DYNC1H1: variants seen among roughly 807,000 people sequenced by gnomAD.
DYNC1H1 encodes the protein cytoplasmic dynein 1 heavy chain 1.
DYNC1H1 carries 51 observed loss-of-function variants against 527.1 expected under a neutral mutation model. That is an observed-to-expected ratio of 0.10 (90% CI 0.08 to 0.12). DYNC1H1 has a LOEUF of 0.12. DYNC1H1 is among the 10% of genes least tolerant of loss of function. The pLI is 1.00. For synonymous variants in DYNC1H1, 2,189 were observed against 2,278.8 expected (o/e 0.96, Z 1.12); for missense variants, 2,771 against 5,971.8 (o/e 0.46, Z 17.66).
At chr14:101,967,061 A>G (rs565841913) in intron 1 of DYNC1H1, among the ~76,000 whole-genome samples, 13 of 152,334 alleles carry the variant, frequency 8.5e-5, no homozygotes, top group Non-Finnish European at 1.3e-4. Flanking sequence ...CAACCTGTCT[A>G]TAATTTATTT....
intron 72 of DYNC1H1, among the ~76,000 whole-genome samples, chr14:102,046,767 C>T (rs2048725317): frequency 6.6e-6 from 1 of 151,878 alleles, no homozygotes; most frequent in African/African-American, 2.4e-5. Context: ...AAGAGCCTTC[C>T]TTGAGTCTTT....
chr14:101,998,846 G>C (rs189361496), intron 16 of DYNC1H1, among the ~76,000 whole-genome samples: 1 of 149,906 alleles, frequency 6.7e-6, no homozygotes, highest in African/African-American at 2.5e-5. Context: ...ACTTTACCTT[G>C]GTGCCAGTAA....
chr14:102,029,297 C>G lies in DYNC1H1; in HGVS notation c.9469-242C>G, dbSNP rs1434763561. ...GATGCCTTTTCACATAAGTACACCT[C>G]TAAAGTTGGTGTAATCACCATCCTC... is the stretch of plus-strand genomic sequence containing the variant. On this transcript the variant is annotated intron_variant, in intron 48 of 77. Coordinates refer to ENST00000360184, the MANE Select transcript of DYNC1H1 (RefSeq NM_001376.5). This position sits in a 1 kb window ranked among gnomAD's most constrained non-coding sequence, Gnocchi z 5.3. The G allele has an allele frequency of 1.8e-6, 1 of 563,006 alleles. No homozygotes were observed. Among genetic ancestry groups the G allele is most frequent in the Non-Finnish European group, 3.2e-6 (1 of 314,806 alleles). 34.9% of individuals were successfully genotyped at this position (563,006 alleles called of 1,614,324 possible).
Position 102,016,293 on chromosome 14 carries a change from C to T in DYNC1H1, c.7474-56C>T. 6.2e-7 allele frequency: 1 copy of T among 1,606,520 alleles called. No homozygotes were observed. The highest frequency in any genetic ancestry group is 2.2e-5 in the East Asian group (1 of 44,550). ...TTTAGGTTAACTTTGCTGTAAGTGT[C>T]TTTCTTTTGTTGTTGAAATTTTATA... On this transcript the variant is annotated intron_variant, in intron 36 of 77. Coordinates refer to ENST00000360184, the MANE Select transcript of DYNC1H1 (RefSeq NM_001376.5). This position sits in a 1 kb window ranked among gnomAD's most constrained non-coding sequence, Gnocchi z 7.3.
In DYNC1H1 at chr14:102,002,520, TCCTGTCTG is replaced by T; in HGVS notation, c.4543-14_4543-7del. ...GAAGGGTCAGCAGTTTACCTCTCCC[TCCTGTCTG>T]CCCACCAGGTTTTTGAAGAGGATGC... On this transcript the variant is annotated splice_polypyrimidine_tract_variant and intron_variant, in intron 21 of 77. Transcript: ENST00000360184. This position sits in a 1 kb window ranked among gnomAD's most constrained non-coding sequence, Gnocchi z 4.4. 6.2e-7 allele frequency: 1 copy of T among 1,613,876 alleles called. No individual in the cohort carries two copies. The highest frequency in any genetic ancestry group is 1.1e-5 in the South Asian group (1 of 90,994).
rs376456164 is a variant in DYNC1H1, at chr14:101,979,906, G to A, written c.706G>A (p.Val236Ile). 26 of 1,614,090 alleles carry A rather than the reference G, an allele frequency of 1.6e-5. No homozygotes were observed. In the African/African-American group the frequency reaches 2.8e-4, roughly 17 times the overall value. Residue 236 changes from valine to isoleucine, a missense_variant, in exon 4 of 78, where the codon GTT becomes ATT. By Grantham distance (29) the Val-to-Ile change is conservative. Coordinates refer to ENST00000360184, the MANE Select transcript of DYNC1H1 (RefSeq NM_001376.5). This position sits in a 1 kb window ranked among gnomAD's most constrained non-coding sequence, Gnocchi z 4.6. ...AAAAGTTACAGACTTTGGTGATAAG[G>A]TTGAAGACCCAACATTTCTTAATCA... ...KPKVTDFGDK[V>I]EDPTFLNQLQ... is the part of the protein sequence containing the mutation.
At chr14:102,047,469 A>AGAGGTTGCAGTGAGCC (rs1223848941) in intron 72 of DYNC1H1, among the ~76,000 whole-genome samples, 1 of 151,858 alleles carries the variant, frequency 6.6e-6, no homozygotes, top group African/African-American at 2.4e-5. Flanking sequence ...CCCAGGAGGC[A>AGAGGTTGCAGTGAGCC]GAGGTTGCAG....
intron 10 of DYNC1H1, among the ~76,000 whole-genome samples, chr14:101,990,861 T>C (rs900904459): frequency 6.6e-6 from 1 of 151,822 alleles, no homozygotes; most frequent in Non-Finnish European, 1.5e-5. Context: ...ATACAAAAAT[T>C]AGCTGGGCGT....
rs879254286 is a variant in DYNC1H1 at position 102,050,477 on chromosome 14, A to G, written c.13855A>G (p.Ile4619Val). Residue 4619 changes from isoleucine (I) to valine (V), a missense_variant, in exon 78 of 78, where the codon ATC becomes GTC. Physicochemically the swap from Ile to Val is conservative, Grantham distance 29. Around this residue, in one of 32 missense-constraint regions of DYNC1H1, gnomAD observed 106 missense variants for 139.2 expected, o/e 0.76. Transcript: ENST00000360184. ...CCTGAACTTCACCCGTGCAGACCTC[A>G]TCTTCACCGTGGACTTCGAAATTGC... ...VYLNFTRADL[I>V]FTVDFEIATK... 5 of 1,613,940 alleles carry G rather than the reference A, an allele frequency of 3.1e-6. No homozygotes were observed. In the Admixed American group the frequency reaches 6.7e-5, roughly 22 times the overall value.
Position 102,010,679 on chromosome 14 carries a change from G to A in DYNC1H1, c.6406-61G>A, listed in dbSNP as rs563821687. 5.9e-4 allele frequency: 939 copies of A among 1,601,098 alleles called. 2 individuals are homozygous for A. Among genetic ancestry groups the A allele is most frequent in the Non-Finnish European group, 7.4e-4 (868 of 1,170,800 alleles). On this transcript the variant is annotated intron_variant, in intron 31 of 77. Coordinates refer to ENST00000360184, the MANE Select transcript of DYNC1H1 (RefSeq NM_001376.5). This position sits in a 1 kb window ranked among gnomAD's most constrained non-coding sequence, Gnocchi z 6.0. ...AGTTACTGATCACGCACCTCCTGGG[G>A]ATGCAGCGGGCAGTACTTGAGCCAT... is the stretch of plus-strand genomic sequence containing the variant.
intron 51 of DYNC1H1, 50 bp downstream of exon 51, chr14:102,030,332 C>A: frequency 1.2e-6 from 2 of 1,613,510 alleles, no homozygotes; most frequent in South Asian, 2.2e-5. Context: ...TGGTCTCCGT[C>A]AACATTACTG....
chr14:101,966,427 T>C (rs1470322452), intron 1 of DYNC1H1, among the ~76,000 whole-genome samples: 6 of 151,880 alleles, frequency 4.0e-5, no homozygotes. Context: ...AAAAAATTTA[T>C]CTACTCTTTT....
chr14:101,978,704 C>T (rs1473642450), intron 2 of DYNC1H1, among the ~76,000 whole-genome samples: 2 of 152,142 alleles, frequency 1.3e-5, no homozygotes, highest in African/African-American at 4.8e-5. Flanking sequence ...TGTCAAAATA[C>T]AATGGAAACA....
rs181158031 is a variant in DYNC1H1, at chr14:102,047,558, C to A, written c.13007-259C>A. ...TCTCAAAAATATATATATACACACACACACACATATATATATACATACACA... is the reference window on the plus strand; with the variant it reads ...TCTCAAAAATATATATATACACACAAACACACATATATATATACATACACA... On this transcript the variant is annotated intron_variant, in intron 72 of 77. Coordinates refer to ENST00000360184, the MANE Select transcript of DYNC1H1 (RefSeq NM_001376.5). 5.9e-4 allele frequency: 149 copies of A among 254,510 alleles called. 3 individuals carry two copies. Among genetic ancestry groups the A allele is most frequent in the African/African-American group, 3.5e-3 (145 of 41,992 alleles). The allele number at this position is 254,510 out of a possible 1,614,324, so 15.8% of individuals were successfully genotyped here. A position where few individuals can be genotyped will look rare whatever the true frequency, so the allele number is the denominator to read the frequency against.
At chr14:101,971,029 G>T (rs140247099) in intron 1 of DYNC1H1, among the ~76,000 whole-genome samples, 3 of 148,272 alleles carry the variant, frequency 2.0e-5, no homozygotes, top group Non-Finnish European at 4.4e-5. Context: ...CCAACTGCCC[G>T]TTCACCAGAC....
Position 102,016,104 on chromosome 14 carries a change from G to T in DYNC1H1, c.7473+18G>T, listed in dbSNP as rs1221788075. 1.9e-6 allele frequency: 3 copies of T among 1,586,362 alleles called. No homozygotes were observed. The highest frequency in any genetic ancestry group is 2.3e-5 in the South Asian group (2 of 87,780). On this transcript the variant is annotated intron_variant, in intron 36 of 77. Transcript: ENST00000360184. The surrounding 1 kb of genome is among the most constrained non-coding windows in gnomAD (Gnocchi z 7.3). ...ACATTCAGGTCAGGGGGCATCAGGG[G>T]CTTCACAGAGCTCACCACTGCGCCA...
intron 74 of DYNC1H1, chr14:102,048,927 T>G: frequency 1.9e-6 from 1 of 518,886 alleles, no homozygotes; most frequent in Non-Finnish European, 3.5e-6. Context: ...TTTAGGGGTC[T>G]TCCAAGACGA....
Position 102,000,406 on chromosome 14 carries a change from C to T in DYNC1H1, c.4074+7C>T. ...TTCAGTACAGCCTCGAAAGGTATAT[C>T]ATGAAATCGGTGTTTGTGTACGTCT... On this transcript the variant is annotated splice_region_variant and intron_variant, in intron 18 of 77. Transcript: ENST00000360184. 6.2e-7 allele frequency: 1 copy of T among 1,613,234 alleles called. No individual in the cohort carries two copies. Among genetic ancestry groups the T allele is most frequent in the South Asian group, 1.1e-5 (1 of 91,038 alleles).
chr14:102,037,497 A>T (rs2048591996), intron 57 of DYNC1H1: 1 of 152,136 alleles, frequency 6.6e-6, no homozygotes, highest in African/African-American at 2.4e-5. Flanking sequence ...TTGCAGGAAC[A>T]TGGATGGAGC....
Sources: allele counts gnomAD v4.1 joint callset (sites outside exome capture counted in the v4.1 genomes callset), GRCh38; gene constraint gnomAD v4.1.1; regional missense constraint gnomAD v4.1.1; non-coding constraint Gnocchi (gnomAD v3.1); transcripts MANE v1.5; gene names NCBI Gene and HGNC (gene_info 2026-07-23, HGNC 2026-07-21).